The following PCDHGA3 variants were observed in gnomAD, a reference collection of about 807,000 sequenced individuals.
PCDHGA3 encodes the protein protocadherin gamma-A3.
A neutral mutation model predicts 58.5 loss-of-function variants in PCDHGA3; 40 were observed. The observed-to-expected ratio is 0.68, with a 90% confidence interval of 0.53 to 0.89. PCDHGA3 has a LOEUF of 0.89. PCDHGA3 is among the 40% of genes least tolerant of loss of function. The probability of loss-of-function intolerance (pLI) is 0.00; values close to 1 mark genes in which losing one functional copy is unlikely to be tolerated. For missense variants in PCDHGA3, 1,223 were observed against 1,195.9 expected (o/e 1.02, Z -0.33); for synonymous variants, 530 against 525.7 (o/e 1.01, Z -0.11).
At chr5:141,450,729 C>T (rs370122389) in intron 1 of PCDHGA3, among the ~76,000 whole-genome samples, 3 of 152,048 alleles carry the variant, frequency 2.0e-5, no homozygotes, top group Non-Finnish European at 2.9e-5. Context: ...TCAGGTGATC[C>T]GCCCGCCTTG....
At chr5:141,419,316 G>T in intron 1 of PCDHGA3, 2 of 1,613,994 alleles carry the variant, frequency 1.2e-6, no homozygotes, top group Non-Finnish European at 1.7e-6. Context: ...CTCAACGGCC[G>T]TGTCTCCTAC....
At chr5:141,361,715 C>T (rs1299117104) in intron 1 of PCDHGA3, 19 of 1,613,280 alleles carry the variant, frequency 1.2e-5, no homozygotes, top group Non-Finnish European at 1.6e-5. Context: ...CAGCTGCGCG[C>T]CTTCGAGCTC....
At chr5:141,472,332 G>A (rs566731120) in intron 1 of PCDHGA3, among the ~76,000 whole-genome samples, 1 of 152,116 alleles carries the variant, frequency 6.6e-6, no homozygotes, top group East Asian at 1.9e-4. Flanking sequence ...ACGAGGTTGG[G>A]AGATCGAGAC....
intron 1 of PCDHGA3, among the ~76,000 whole-genome samples, chr5:141,354,841 T>C (rs1367624307): frequency 6.6e-6 from 1 of 152,242 alleles, no homozygotes; most frequent in Admixed American, 6.5e-5. Context: ...TGGATCATTC[T>C]TGAATTTTCA....
At chr5:141,450,831 T>TATA (rs761717068) in intron 1 of PCDHGA3, among the ~76,000 whole-genome samples, 3 of 144,648 alleles carry the variant, frequency 2.1e-5, no homozygotes, top group Non-Finnish European at 4.5e-5. Flanking sequence ...TTATTATTAT[T>TATA]TTTTTTTTTT....
intron 1 of PCDHGA3, chr5:141,352,716 G>A (rs1371828196): frequency 1.3e-6 from 2 of 1,538,844 alleles, no homozygotes; most frequent in African/African-American, 1.4e-5. Context: ...GCGGCCGGGC[G>A]CGGTGGCTCA....
chr5:141,478,461 T>C, intron 1 of PCDHGA3: 1 of 1,613,254 alleles, frequency 6.2e-7, no homozygotes, highest in East Asian at 2.2e-5. Flanking sequence ...GCCAGTCCAC[T>C]GGCCAGCCGC....
chr5:141,488,915 G>A (rs942297924), intron 1 of PCDHGA3, among the ~76,000 whole-genome samples: 12 of 152,180 alleles, frequency 7.9e-5, no homozygotes, highest in Non-Finnish European at 2.9e-5. Flanking sequence ...TGTTCCCAAG[G>A]TTTCCAGGAT....
chr5:141,363,922 T>C (rs1411192181), intron 1 of PCDHGA3, among the ~76,000 whole-genome samples: 1 of 152,164 alleles, frequency 6.6e-6, no homozygotes, highest in Non-Finnish European at 1.5e-5. Context: ...TTTTGTAAGG[T>C]ATTGAGATCT....
At chr5:141,458,632 C>T (rs779075931) in intron 1 of PCDHGA3, among the ~76,000 whole-genome samples, 1 of 151,898 alleles carries the variant, frequency 6.6e-6, no homozygotes, top group Non-Finnish European at 1.5e-5. Context: ...TGCAGTGGCA[C>T]AATCCCAGCT....
intron 1 of PCDHGA3, among the ~76,000 whole-genome samples, chr5:141,445,007 G>A (rs771023003): frequency 1.5e-4 from 23 of 151,994 alleles, no homozygotes; most frequent in Non-Finnish European, 2.4e-4. Flanking sequence ...ATTTAATTAG[G>A]TCTTTAATTT....
At chr5:141,379,527 T>C (rs1182908156) in intron 1 of PCDHGA3, 1 of 152,228 alleles carries the variant, frequency 6.6e-6, no homozygotes, top group African/African-American at 2.4e-5. Context: ...GAGCATTTGT[T>C]GTTATAGGGA....
rs747044319 is a variant in PCDHGA3 at position 141,382,892 on chromosome 5, G to C, written c.2424+36435G>C. The C allele has an allele frequency of 3.7e-5, 57 of 1,534,302 alleles. No individual in the cohort carries two copies. In the East Asian group the frequency reaches 9.8e-4, roughly 26 times the overall value. On this transcript the variant is annotated intron_variant, in intron 1 of 3. Coordinates refer to ENST00000253812, the MANE Select transcript of PCDHGA3 (RefSeq NM_018916.4). ...GATCGGCGCCTAAGCAAGAGAAGCA[G>C]GACGACTATGGCGGCTCAGCCGAGG...
chr5:141,375,418 C>T, intron 1 of PCDHGA3: 2 of 1,613,972 alleles, frequency 1.2e-6, no homozygotes, highest in Non-Finnish European at 1.7e-6. Context: ...TGGCAGACAC[C>T]AACGACAACC....
chr5:141,360,441 T>A, intron 1 of PCDHGA3: 2 of 1,613,992 alleles, frequency 1.2e-6, no homozygotes, highest in Non-Finnish European at 1.7e-6. Context: ...AGCCTCTGTG[T>A]GTTCTGGATT....
intron 1 of PCDHGA3, among the ~76,000 whole-genome samples, chr5:141,349,117 A>G (rs1758236347): frequency 6.6e-6 from 1 of 152,080 alleles, no homozygotes; most frequent in Non-Finnish European, 1.5e-5. Flanking sequence ...GTCACCCAGG[A>G]TGGACTTCAG....
At chr5:141,433,207 TC>T (rs780557883) in intron 1 of PCDHGA3, 10 of 1,568,868 alleles carry the variant, frequency 6.4e-6, no homozygotes, top group African/African-American at 1.4e-5. Flanking sequence ...AAATCTTCTT[TC>T]TTTTTTTTTT....
chr5:141,489,994 C>A lies in PCDHGA3; in HGVS notation c.2425-4813C>A, dbSNP rs1307285048. The A allele has an allele frequency of 1.2e-5, 19 of 1,614,192 alleles. No individual in the cohort carries two copies. The highest frequency in any genetic ancestry group is 1.6e-4 in the Middle Eastern group (1 of 6,062). On this transcript the variant is annotated intron_variant, in intron 1 of 3. Transcript: ENST00000253812. This position sits in a 1 kb window ranked among gnomAD's most constrained non-coding sequence, Gnocchi z 4.5. Reference sequence around the variant, plus strand: ...ATCCTCAGTTCTACGTGTGGGAATCCCAGAGAATGCACCCATTGGTACTCT... The same window carrying A: ...ATCCTCAGTTCTACGTGTGGGAATCACAGAGAATGCACCCATTGGTACTCT...
intron 1 of PCDHGA3, among the ~76,000 whole-genome samples, chr5:141,368,478 A>G (rs1328792459): frequency 2.0e-5 from 3 of 152,318 alleles, no homozygotes; most frequent in Middle Eastern, 3.4e-3. Flanking sequence ...CCAAAGAGTA[A>G]CAAGAGAATC....
Sources: allele counts gnomAD v4.1 joint callset (sites outside exome capture counted in the v4.1 genomes callset), GRCh38; gene constraint gnomAD v4.1.1; non-coding constraint Gnocchi (gnomAD v3.1); transcripts MANE v1.5; gene names NCBI Gene and HGNC (gene_info 2026-07-23, HGNC 2026-07-21).